Variants in CFH observed in about 807,000 individuals in gnomAD.
The protein encoded by CFH is H factor 1 (complement).
In CFH, 53 loss-of-function variants were observed where a neutral mutation model predicts 147.3. The observed-to-expected ratio is 0.36, with a 90% CI of 0.29 to 0.45. The LOEUF is 0.45. CFH is among the 20% of genes least tolerant of loss of function. CFH has a pLI of 1.00. For synonymous variants in CFH, 536 were observed against 489.4 expected (o/e 1.10, Z -1.26); for missense variants, 1,380 against 1,498.0 (o/e 0.92, Z 1.30).
chr1:196,730,510 C>T (rs1310339308), intron 15 of CFH, among the ~76,000 whole-genome samples: 1 of 151,712 alleles, frequency 6.6e-6, no homozygotes, highest in Non-Finnish European at 1.5e-5. Flanking sequence ...ATAACATATT[C>T]TGGGGAATAT....
intron 6 of CFH, among the ~76,000 whole-genome samples, chr1:196,681,832 T>C (rs905895113): frequency 2.6e-5 from 4 of 151,824 alleles, no homozygotes; most frequent in Admixed American, 2.6e-4. Flanking sequence ...TGCCAACTAA[T>C]ATAGCATAAA....
At position 196,702,064 on chromosome 1, in the gene CFH, T is replaced by G. The variant is rs1305272371; in HGVS notation, c.1337-11671T>G. 3.3e-5 allele frequency among the ~76,000 whole-genome samples: 5 copies of G among 152,128 alleles called. No homozygotes were observed. The East Asian group carries it at 9.7e-4, about 29-fold the overall frequency. ...TACAACAATGTAGAAAAAGGTAAAA[T>G]CATGATAAAGTAAGAAATTAAAGAC... On this transcript the variant is annotated intron_variant, in intron 9 of 21. Transcript: ENST00000367429.
chr1:196,727,504 C>T (rs1411615588), intron 14 of CFH, among the ~76,000 whole-genome samples: 1 of 151,824 alleles, frequency 6.6e-6, no homozygotes, highest in Non-Finnish European at 1.5e-5. Context: ...CTTTAAAAAA[C>T]AAAAATATTA....
chr1:196,692,787 T>C (rs1352296133), intron 9 of CFH, among the ~76,000 whole-genome samples: 3 of 120,994 alleles, frequency 2.5e-5, no homozygotes, highest in African/African-American at 6.9e-5. Context: ...TCTTTCTTTC[T>C]TTCTTTCTTT....
chr1:196,746,309 G>A (rs72734360), intron 21 of CFH, among the ~76,000 whole-genome samples: 194 of 149,820 alleles, frequency 1.3e-3, no homozygotes, highest in Non-Finnish European at 1.9e-3. Flanking sequence ...AATAATAACC[G>A]GCATGGTGAC....
chr1:196,663,296 T>A lies in CFH; in HGVS notation c.59-9682T>A, dbSNP rs117742724. ...GTGTGTCTCCATGTTGCATCCTGTA[T>A]TATTTCTTTTGACCTGCCCTCCTGT... On this transcript the variant is annotated intron_variant, in intron 1 of 21. Transcript: ENST00000367429. Among the ~76,000 whole-genome samples the A allele has an allele frequency of 1.1e-3, 164 of 152,338 alleles. 1 individual carries two copies. In the East Asian group the frequency reaches 0.029, roughly 27 times the overall value.
intron 1 of CFH, among the ~76,000 whole-genome samples, chr1:196,654,626 T>C (rs1033491095): frequency 1.3e-5 from 2 of 152,170 alleles, no homozygotes; most frequent in Non-Finnish European, 2.9e-5. Context: ...CTAACAATTG[T>C]GTACTATATG....
intron 1 of CFH, among the ~76,000 whole-genome samples, chr1:196,667,000 CTT>C (rs990783756): frequency 1.3e-4 from 20 of 151,336 alleles, no homozygotes; most frequent in African/African-American, 2.7e-4. Context: ...ATATAAAAAA[CTT>C]AATTTGGTTA....
At chr1:196,680,247 T>A (rs1159576006) in intron 6 of CFH, among the ~76,000 whole-genome samples, 1 of 149,814 alleles carries the variant, frequency 6.7e-6, no homozygotes, top group Non-Finnish European at 1.5e-5. Context: ...TTGAAGGAAG[T>A]GAATATTTTT....
intron 9 of CFH, among the ~76,000 whole-genome samples, chr1:196,691,030 A>G (rs1668004876): frequency 6.6e-6 from 1 of 152,084 alleles, no homozygotes; most frequent in African/African-American, 2.4e-5. Flanking sequence ...GTTCGATTTT[A>G]CAGGCTCCTC....
intron 9 of CFH, among the ~76,000 whole-genome samples, chr1:196,696,199 T>C (rs747518487): frequency 3.3e-5 from 5 of 151,956 alleles, no homozygotes; most frequent in Non-Finnish European, 7.4e-5. Flanking sequence ...AGATCGACCA[T>C]ATAATTGGAA....
chr1:196,736,646 A>T (rs1669409658), intron 15 of CFH, among the ~76,000 whole-genome samples, 178 bp from the exon 16 acceptor site: 1 of 151,886 alleles, frequency 6.6e-6, no homozygotes, highest in African/African-American at 2.4e-5. Flanking sequence ...GCTGAAAAGT[A>T]TAATATTTGC....
chr1:196,709,794 G>GA (rs560484060), intron 9 of CFH, among the ~76,000 whole-genome samples: 1,852 of 150,656 alleles, frequency 0.012, 39 homozygotes, highest in African/African-American at 0.042. Flanking sequence ...TTCTGCATAT[G>GA]AAAAAAAAAC....
intron 10 of CFH, among the ~76,000 whole-genome samples, chr1:196,714,410 A>G (rs1346246976): frequency 6.6e-6 from 1 of 151,268 alleles, no homozygotes; most frequent in Non-Finnish European, 1.5e-5. Flanking sequence ...TTTTTCATAA[A>G]TATTTAGGTA....
At chr1:196,738,536 A>G (rs1444289347) in intron 17 of CFH, among the ~76,000 whole-genome samples, 1 of 152,182 alleles carries the variant, frequency 6.6e-6, no homozygotes, top group Non-Finnish European at 1.5e-5. Flanking sequence ...TATATGCTTG[A>G]TGGAAGTCTG....
chr1:196,692,436 C>T lies in CFH; in HGVS notation c.1336+2197C>T, dbSNP rs1024656614. 1.2e-5 allele frequency: 9 copies of T among 741,584 alleles called. No homozygotes were observed. The African/African-American group carries it at 1.7e-4, about 14-fold the overall frequency. 45.9% of individuals were successfully genotyped at this position (741,584 alleles called of 1,614,324 possible). On this transcript the variant is annotated intron_variant, in intron 9 of 21. Transcript: ENST00000367429. ...TGCAATTTCTCCTGATATCAAACAA[C>T]TCAATCAACGTTTATGCCTCTTGGT...
intron 9 of CFH, among the ~76,000 whole-genome samples, chr1:196,710,775 C>A (rs1286311949): frequency 1.7e-5 from 2 of 118,702 alleles, no homozygotes; most frequent in South Asian, 3.1e-4. Context: ...ACAGTCTTAC[C>A]CTAGTTTTTT....
chr1:196,710,074 TG>T, intron 9 of CFH, among the ~76,000 whole-genome samples: 1 of 151,810 alleles, frequency 6.6e-6, no homozygotes, highest in South Asian at 2.1e-4. Flanking sequence ...ACACATCAGC[TG>T]GTCTAAAGAG....
chr1:196,662,874 C>CA (rs11390840), intron 1 of CFH, among the ~76,000 whole-genome samples: 59,795 of 151,384 alleles, frequency 0.39, 14,994 homozygotes, highest in African/African-American at 0.71. Flanking sequence ...GAGATCTTGT[C>CA]AAAAAATAAA....
Sources: allele counts gnomAD v4.1 joint callset (sites outside exome capture counted in the v4.1 genomes callset), GRCh38; gene constraint gnomAD v4.1.1; transcripts MANE v1.5; gene names NCBI Gene and HGNC (gene_info 2026-07-23, HGNC 2026-07-21).